DSCAM: variants seen among roughly 807,000 people sequenced by gnomAD.
DSCAM encodes cell adhesion molecule DSCAM.
DSCAM carries 47 observed loss-of-function variants against 217.7 expected under a neutral mutation model. The observed-to-expected ratio is 0.22, with a 90% CI of 0.17 to 0.28. DSCAM has a LOEUF of 0.28. Ranked by LOEUF, DSCAM falls within the 10% of genes least tolerant of loss-of-function variation. DSCAM has a pLI of 1.00. For missense variants in DSCAM, 2,080 were observed against 2,618.3 expected (o/e 0.79, Z 4.49); for synonymous variants, 1,056 against 1,015.3 (o/e 1.04, Z -0.76).
At chr21:40,691,804 T>C (rs958601714) in intron 3 of DSCAM, among the ~76,000 whole-genome samples, 8 of 152,370 alleles carry the variant, frequency 5.3e-5, no homozygotes, top group African/African-American at 1.9e-4. Context: ...GATGGCAATG[T>C]ATTTCAACTT....
intron 1 of DSCAM, among the ~76,000 whole-genome samples, chr21:40,780,810 A>C (rs975330541): frequency 1.5e-4 from 23 of 152,016 alleles, no homozygotes; most frequent in Admixed American, 1.1e-3. Context: ...GTGAGAAAAT[A>C]AATTTCTGTT....
intron 3 of DSCAM, among the ~76,000 whole-genome samples, chr21:40,452,084 T>C (rs2075724381): frequency 6.6e-6 from 1 of 152,108 alleles, no homozygotes; most frequent in South Asian, 2.1e-4. Context: ...CTACCCATTA[T>C]ACACAAAATC....
At chr21:40,040,308 C>T (rs1433085514) in intron 32 of DSCAM, among the ~76,000 whole-genome samples, 1 of 152,122 alleles carries the variant, frequency 6.6e-6, no homozygotes, top group Non-Finnish European at 1.5e-5. Context: ...CTAATGGGTC[C>T]AGGTCACAAT....
intron 3 of DSCAM, among the ~76,000 whole-genome samples, chr21:40,560,926 G>C (rs947023036): frequency 5.9e-5 from 9 of 152,184 alleles, no homozygotes; most frequent in Admixed American, 2.0e-4. Context: ...TATTGTCATA[G>C]TAAAGTCAAA....
chr21:40,066,249 A>G (rs948705576), intron 27 of DSCAM, among the ~76,000 whole-genome samples: 3 of 152,230 alleles, frequency 2.0e-5, no homozygotes, highest in Non-Finnish European at 2.9e-5. Context: ...AAGCTGCACA[A>G]AGATTTCCTG....
chr21:40,551,925 G>A (rs968205063), intron 3 of DSCAM, among the ~76,000 whole-genome samples: 9 of 152,174 alleles, frequency 5.9e-5, no homozygotes, highest in African/African-American at 2.2e-4. Context: ...CCAAGAGGGT[G>A]TGTCCATTCA....
At chr21:40,765,891 T>G (rs1399166927) in intron 1 of DSCAM, among the ~76,000 whole-genome samples, 1 of 152,196 alleles carries the variant, frequency 6.6e-6, no homozygotes, top group African/African-American at 2.4e-5. Flanking sequence ...CACATGTGGC[T>G]GGTCAGCTGC....
chr21:40,679,592 C>T (rs112711872), intron 3 of DSCAM, among the ~76,000 whole-genome samples: 29 of 152,298 alleles, frequency 1.9e-4, no homozygotes, highest in African/African-American at 6.3e-4. Context: ...ACATGTGCTA[C>T]AAGTATTTTA....
chr21:40,214,559 G>A (rs2091221468), intron 11 of DSCAM, among the ~76,000 whole-genome samples: 1 of 151,976 alleles, frequency 6.6e-6, no homozygotes, highest in Admixed American at 6.6e-5. Context: ...AAACAGCTTT[G>A]AAAGAAGCTG....
intron 8 of DSCAM, among the ~76,000 whole-genome samples, chr21:40,318,574 G>C (rs1569060768): frequency 6.6e-6 from 1 of 152,156 alleles, no homozygotes; most frequent in Non-Finnish European, 1.5e-5. Flanking sequence ...ACTCTGAATT[G>C]CTATGTGAGT....
At chr21:40,115,631 A>G (rs899536790) in intron 20 of DSCAM, among the ~76,000 whole-genome samples, 10 of 152,252 alleles carry the variant, frequency 6.6e-5, no homozygotes, top group African/African-American at 1.7e-4. Context: ...CAGAATGACT[A>G]TTATTAGAAA....
intron 21 of DSCAM, among the ~76,000 whole-genome samples, chr21:40,093,153 C>T (rs1289246290): frequency 1.3e-5 from 2 of 152,146 alleles, no homozygotes; most frequent in African/African-American, 4.8e-5. Flanking sequence ...ACCAGAAGAG[C>T]AAGAATACCC....
intron 3 of DSCAM, among the ~76,000 whole-genome samples, chr21:40,458,004 A>C (rs1911616568): frequency 6.6e-6 from 1 of 152,190 alleles, no homozygotes; most frequent in African/African-American, 2.4e-5. Flanking sequence ...CACGATGAAA[A>C]TATTACATCA....
intron 23 of DSCAM, 121 bp downstream of exon 23, chr21:40,085,481 A>T (rs983559771): frequency 1.1e-6 from 1 of 882,540 alleles, no homozygotes. Context: ...CTTTTTCTGT[A>T]ATATGGAAAC....
chr21:40,286,887 G>C (rs1180538555), intron 10 of DSCAM, among the ~76,000 whole-genome samples: 1 of 152,038 alleles, frequency 6.6e-6, no homozygotes, highest in African/African-American at 2.4e-5. Context: ...TCTGCAGTGT[G>C]ATCCACAGGT....
chr21:40,763,003 G>C (rs922381559), intron 1 of DSCAM, among the ~76,000 whole-genome samples: 1 of 152,130 alleles, frequency 6.6e-6, no homozygotes, highest in Non-Finnish European at 1.5e-5. Flanking sequence ...ATGGGCAAAA[G>C]CTGGAAGCGT....
intron 3 of DSCAM, among the ~76,000 whole-genome samples, chr21:40,679,665 A>C (rs1375694073): frequency 6.6e-6 from 1 of 152,234 alleles, no homozygotes; most frequent in African/African-American, 2.4e-5. Flanking sequence ...TTAAGGCAAA[A>C]TATAAGATCC....
chr21:40,238,504 A>C (rs547842310), intron 11 of DSCAM, among the ~76,000 whole-genome samples: 2 of 152,306 alleles, frequency 1.3e-5, no homozygotes, highest in East Asian at 3.9e-4. Flanking sequence ...GTTCACCGCT[A>C]AACTCCACCT....
At position 40,411,959 on chromosome 21, in the gene DSCAM, T is replaced by C. The variant is rs549972915; in HGVS notation, c.509-42714A>G. ...GACCTGGTGGGAGTTGTTTGGGTTA[T>C]GGAGTTGGGTCTTTCGCTTTCCTGT... is the stretch of plus-strand genomic sequence containing the variant. On this transcript the variant is annotated intron_variant, in intron 3 of 32. Transcript: ENST00000400454. 1.8e-4 allele frequency among the ~76,000 whole-genome samples: 27 copies of C among 152,312 alleles called. 1 individual carries two copies. Among genetic ancestry groups the C allele is most frequent in the South Asian group, 1.2e-3 (6 of 4,826 alleles).
Sources: allele counts gnomAD v4.1 joint callset (sites outside exome capture counted in the v4.1 genomes callset), GRCh38; gene constraint gnomAD v4.1.1; transcripts MANE v1.5; gene names NCBI Gene and HGNC (gene_info 2026-07-23, HGNC 2026-07-21).